Variants in AP1S3 observed in about 807,000 individuals in gnomAD.
AP1S3 encodes the protein AP-1 complex subunit sigma-3.
A neutral mutation model predicts 20.9 loss-of-function variants in AP1S3; 10 were observed. The ratio of observed to expected loss-of-function variants is 0.48; its 90% CI spans 0.29 to 0.81. The LOEUF is 0.81. AP1S3 is among the 30% of genes least tolerant of loss of function. The pLI is 0.08. For synonymous variants in AP1S3, 41 were observed against 61.5 expected, an observed-to-expected ratio of 0.67 and a Z score of 1.56; for missense variants, 154 against 183.8, an observed-to-expected ratio of 0.84 and a Z score of 0.94.
intron 1 of AP1S3, among the ~76,000 whole-genome samples, chr2:223,787,149 C>T (rs994007805): frequency 2.0e-5 from 3 of 152,138 alleles, no homozygotes; most frequent in African/African-American, 7.2e-5. Context: ...CTCTCTTCTT[C>T]CTGCTTCAGC....
At chr2:223,765,447 C>T (rs1265980542) in intron 3 of AP1S3, 97 bp from the exon 4 acceptor site, 15 of 1,275,668 alleles carry the variant, frequency 1.2e-5, no homozygotes, top group South Asian at 1.0e-4. Context: ...ACTCATGTGG[C>T]GTACCAAAAA....
At chr2:223,765,020 A>G (rs1690443019) in intron 4 of AP1S3, 193 bp downstream of exon 4, 1 of 693,252 alleles carries the variant, frequency 1.4e-6, no homozygotes, top group African/African-American at 1.9e-5. Context: ...ACTCATCTGT[A>G]AAGTGGGAGT....
chr2:223,832,131 CTCTCTGTGTGTGTG>C (rs780173615), intron 1 of AP1S3, among the ~76,000 whole-genome samples: 27,745 of 114,608 alleles, frequency 0.24, 3,633 homozygotes, highest in Middle Eastern at 0.31. Flanking sequence ...AAGGAGTTTT[CTCTCTGTGTGTGTG>C]TGTGTGTGTG....
At chr2:223,796,169 T>C (rs1691332434) in intron 1 of AP1S3, among the ~76,000 whole-genome samples, 3 of 152,186 alleles carry the variant, frequency 2.0e-5, no homozygotes, top group Non-Finnish European at 4.4e-5. Context: ...AGAGACTCCA[T>C]CTCAAAAAAA....
At chr2:223,837,212 T>C (rs1692423112) in intron 1 of AP1S3, among the ~76,000 whole-genome samples, 1 of 150,338 alleles carries the variant, frequency 6.7e-6, no homozygotes, top group Admixed American at 6.6e-5. Context: ...ATCGAATGAA[T>C]GAATGGAGCC....
Position 223,755,551 on chromosome 2 carries a change from G to A in AP1S3, c.*3164C>T, listed in dbSNP as rs1260989962. On this transcript the variant is annotated 3_prime_UTR_variant, in exon 5 of 5. Transcript: ENST00000396654. ...TTCATTTTTTTTTTTTTTTTTTTGA[G>A]ACAGGGTCTCACTCTGTCACCCGGG... is the stretch of plus-strand genomic sequence containing the variant. Among the ~76,000 whole-genome samples the A allele has an allele frequency of 5.2e-5, 5 of 96,590 alleles. No individual in the cohort carries two copies. Among genetic ancestry groups the A allele is most frequent in the Non-Finnish European group, 1.0e-4 (5 of 48,342 alleles). The allele number at this position is 96,590 out of a possible 152,430, so 63.4% of individuals were successfully genotyped here.
chr2:223,798,420 A>G (rs958578243), intron 1 of AP1S3, among the ~76,000 whole-genome samples: 10 of 152,320 alleles, frequency 6.6e-5, no homozygotes, highest in African/African-American at 2.4e-4. Context: ...GAGGAACAAC[A>G]ATAAGGGGAA....
intron 1 of AP1S3, among the ~76,000 whole-genome samples, chr2:223,811,568 C>CAA (rs143512043): frequency 1.8e-3 from 245 of 135,472 alleles, no homozygotes; most frequent in South Asian, 2.4e-3. Flanking sequence ...GACTCCATTT[C>CAA]AAAAAAAAAA....
chr2:223,822,908 G>GA (rs1010634586), intron 1 of AP1S3, among the ~76,000 whole-genome samples: 52 of 150,880 alleles, frequency 3.4e-4, no homozygotes, highest in African/African-American at 1.2e-3. Flanking sequence ...CAACCCAACT[G>GA]AAAAAAAATG....
chr2:223,769,893 C>T (rs1197770698), intron 3 of AP1S3, among the ~76,000 whole-genome samples: 2 of 151,650 alleles, frequency 1.3e-5, no homozygotes, highest in Non-Finnish European at 2.9e-5. Context: ...TACAGGCGCC[C>T]GCTACCTCGC....
intron 1 of AP1S3, among the ~76,000 whole-genome samples, chr2:223,780,766 G>A (rs1324232657): frequency 6.7e-6 from 1 of 150,014 alleles, no homozygotes; most frequent in Non-Finnish European, 1.5e-5. Flanking sequence ...TTTTTTTTCT[G>A]GTAACTACAA....
At chr2:223,759,004 A>G (rs1007520180) in intron 4 of AP1S3, among the ~76,000 whole-genome samples, 3 of 152,234 alleles carry the variant, frequency 2.0e-5, no homozygotes, top group Non-Finnish European at 1.5e-5. Flanking sequence ...GTCTGATAAG[A>G]GAAATGCTTG....
chr2:223,764,004 C>T lies in AP1S3; in HGVS notation c.429+1209G>A, dbSNP rs6719032. Among the ~76,000 whole-genome samples the T allele has an allele frequency of 9.9e-3, 1,501 of 152,260 alleles. 26 individuals are homozygous for T. Among genetic ancestry groups the T allele is most frequent in the African/African-American group, 0.033 (1,367 of 41,544 alleles). ...TGCTATCTCAGCTCACTGCAACCTC[C>T]GCCTCCCGGGTTCCAGTGGTTCTAC... is the stretch of plus-strand genomic sequence containing the variant. On this transcript the variant is annotated intron_variant, in intron 4 of 4. Coordinates refer to ENST00000396654, the MANE Select transcript of AP1S3 (RefSeq NM_001039569.2).
chr2:223,758,539 C>T lies in AP1S3; in HGVS notation c.*176G>A, dbSNP rs546660759. 3.0e-5 allele frequency: 39 copies of T among 1,314,856 alleles called. No individual in the cohort carries two copies. In the East Asian group the frequency reaches 6.4e-4, roughly 22 times the overall value. 81.4% of individuals were successfully genotyped at this position (1,314,856 alleles called of 1,614,324 possible). ...AGACACATAATTTTTTTTAATAATACAGACACATAGTAATTATAAATATGT... is the reference window on the plus strand; with the variant it reads ...AGACACATAATTTTTTTTAATAATATAGACACATAGTAATTATAAATATGT... On this transcript the variant is annotated 3_prime_UTR_variant, in exon 5 of 5. Coordinates refer to ENST00000396654, the MANE Select transcript of AP1S3 (RefSeq NM_001039569.2).
Position 223,817,477 on chromosome 2 carries a change from A to G in AP1S3, c.3+19971T>C, listed in dbSNP as rs1472363515. Among the ~76,000 whole-genome samples, 437 of 150,048 alleles carry G rather than the reference A, an allele frequency of 2.9e-3. 2 individuals carry two copies. The highest frequency in any genetic ancestry group is 0.01 in the African/African-American group (413 of 40,186). ...TACAAAATTAGCCAGGCATGGTGGCACATGCCTGTAATCCCAACTACTCGG... is the reference window on the plus strand; with the variant it reads ...TACAAAATTAGCCAGGCATGGTGGCGCATGCCTGTAATCCCAACTACTCGG... On this transcript the variant is annotated intron_variant, in intron 1 of 4. Coordinates refer to ENST00000396654, the MANE Select transcript of AP1S3 (RefSeq NM_001039569.2).
intron 4 of AP1S3, among the ~76,000 whole-genome samples, chr2:223,761,362 C>T (rs1260754770): frequency 3.9e-5 from 6 of 152,186 alleles, no homozygotes; most frequent in Admixed American, 3.9e-4. Flanking sequence ...GTGCACCTAG[C>T]AGTTTCGCCT....
intron 3 of AP1S3, among the ~76,000 whole-genome samples, chr2:223,768,654 A>G (rs1361944605): frequency 2.0e-5 from 3 of 152,110 alleles, no homozygotes; most frequent in African/African-American, 7.2e-5. Context: ...CAAGAGTTCA[A>G]GACCAGCCTG....
rs57103665 is a variant in AP1S3, at chr2:223,780,357, A to AGTGTGTGT, written c.4-2496_4-2489dup. Among the ~76,000 whole-genome samples the AGTGTGTGT allele has an allele frequency of 1.5e-3, 67 of 44,448 alleles. 2 individuals are homozygous for AGTGTGTGT. Among genetic ancestry groups the AGTGTGTGT allele is most frequent in the East Asian group, 7.2e-3 (6 of 832 alleles). The allele number at this position is 44,448 out of a possible 152,430, so 29.2% of individuals were successfully genotyped here. A position where few individuals can be genotyped will look rare whatever the true frequency, so the allele number is the denominator to read the frequency against. On this transcript the variant is annotated intron_variant, in intron 1 of 4. Transcript: ENST00000396654. ...GAGAGAGAGAGAGAGAGAGAGAGAGAGTGTGTGTGTGTGTGTGTGTGTGTG... is the reference window on the plus strand; with the variant it reads ...GAGAGAGAGAGAGAGAGAGAGAGAGAGTGTGTGTGTGTGTGTGTGTGTGTGTGTGTGTG...
At chr2:223,765,143 A>G in intron 4 of AP1S3, 70 bp downstream of exon 4, 2 of 1,562,668 alleles carry the variant, frequency 1.3e-6, no homozygotes, top group East Asian at 2.3e-5. Flanking sequence ...TCTGGTTAAT[A>G]TTATAATTAT....
Sources: allele counts gnomAD v4.1 joint callset (sites outside exome capture counted in the v4.1 genomes callset), GRCh38; gene constraint gnomAD v4.1.1; transcripts MANE v1.5; gene names NCBI Gene and HGNC (gene_info 2026-07-23, HGNC 2026-07-21).